The following DSC2 variants were observed in gnomAD, a reference collection of about 807,000 sequenced individuals.
DSC2 encodes desmocollin-2.
Under a neutral mutation model 87.6 loss-of-function variants are expected in DSC2, and 51 were observed. That is an observed-to-expected ratio of 0.58 (90% CI 0.46 to 0.74). DSC2 has a LOEUF of 0.74. DSC2 is among the 30% of genes least tolerant of loss of function. The probability of loss-of-function intolerance (pLI) is 0.00; values close to 1 mark genes in which losing one functional copy is unlikely to be tolerated. For synonymous variants in DSC2, 383 were observed against 393.2 expected (o/e 0.97, Z 0.31); for missense variants, 1,066 against 1,089.5 (o/e 0.98, Z 0.30).
rs1987459100 is a variant in DSC2, at chr18:31,087,879, TC to T, written c.631-67del. ...TTTTAAAATGAGGTATGCTTCAAAT[TC>T]ATTTTGGCTTTAACTTGGAGACTGT... On this transcript the variant is annotated intron_variant, in intron 5 of 15. Transcript: ENST00000280904. 3.8e-6 allele frequency: 6 copies of T among 1,564,798 alleles called. No individual in the cohort carries two copies. The East Asian group carries it at 1.4e-4, about 35-fold the overall frequency.
At chr18:31,086,965 G>T (rs1598586748) in intron 6 of DSC2, among the ~76,000 whole-genome samples, 1 of 152,026 alleles carries the variant, frequency 6.6e-6, no homozygotes, top group East Asian at 1.9e-4. Flanking sequence ...CATATTTATT[G>T]TATTTAATGT....
rs2144763453 is a variant in DSC2 at position 31,059,242 on chromosome 18, T to G, written c.*8773A>C. ...CTAAAAAGTGAACACATTTAATTGG[T>G]TTAAACTTGCATTCATTATGCAAAC... On this transcript the variant is annotated 3_prime_UTR_variant, in exon 16 of 16. Coordinates refer to ENST00000280904, the MANE Select transcript of DSC2 (RefSeq NM_024422.6). 6.6e-6 allele frequency: 1 copy of G among 152,340 alleles called. No homozygotes were observed. Among genetic ancestry groups the G allele is most frequent in the Non-Finnish European group, 1.5e-5 (1 of 68,022 alleles). The allele number at this position is 152,340 out of a possible 1,614,324, so 9.4% of individuals were successfully genotyped here. A position where few individuals can be genotyped will look rare whatever the true frequency, so the allele number is the denominator to read the frequency against.
intron 2 of DSC2, 73 bp downstream of exon 2, chr18:31,093,486 G>A (rs763750098): frequency 9.4e-6 from 11 of 1,172,882 alleles, no homozygotes; most frequent in Non-Finnish European, 1.4e-5. Context: ...CCTTTTTATG[G>A]CTGTGTAGTA....
At chr18:31,093,295 C>T (rs1380793289) in intron 2 of DSC2, among the ~76,000 whole-genome samples, 1 of 152,166 alleles carries the variant, frequency 6.6e-6, no homozygotes, top group African/African-American at 2.4e-5. Flanking sequence ...TCTCGCCCTC[C>T]CAGAACCCCC....
chr18:31,073,938 T>C (rs1986917058), intron 12 of DSC2, among the ~76,000 whole-genome samples: 1 of 152,226 alleles, frequency 6.6e-6, no homozygotes, highest in Non-Finnish European at 1.5e-5. Context: ...GATAACGTGG[T>C]GGACACTGTG....
chr18:31,101,769 C>CCCCCTTT, intron 1 of DSC2, 134 bp downstream of exon 1: 1 of 801,140 alleles, frequency 1.2e-6, no homozygotes, highest in Non-Finnish European at 1.8e-6. Context: ...CCGCCAACTC[C>CCCCCTTT]ATTTTCTAGC....
intron 14 of DSC2, among the ~76,000 whole-genome samples, chr18:31,070,357 T>A (rs890930141): frequency 1.3e-5 from 2 of 152,222 alleles, no homozygotes; most frequent in African/African-American, 4.8e-5. Flanking sequence ...GATTTTATTG[T>A]TGCCAGAAAA....
In DSC2 at chr18:31,061,993, C is replaced by T. The variant is rs571337061; in HGVS notation, c.*6022G>A. ...ACATAGGTCTGTCCTACATGTCCTA[C>T]GTGAGAAGAGCAGGGCTGGGAACTA... is the stretch of plus-strand genomic sequence containing the variant. On this transcript the variant is annotated 3_prime_UTR_variant, in exon 16 of 16. Transcript: ENST00000280904. 4 of 152,320 alleles carry T rather than the reference C, an allele frequency of 2.6e-5. No individual in the cohort carries two copies. Among genetic ancestry groups the T allele is most frequent in the Admixed American group, 2.0e-4 (3 of 15,292 alleles). 9.4% of individuals were successfully genotyped at this position (152,320 alleles called of 1,614,324 possible).
rs953423317 is a variant in DSC2 at position 31,064,296 on chromosome 18, T to C, written c.*3719A>G. On this transcript the variant is annotated 3_prime_UTR_variant, in exon 16 of 16. Coordinates refer to ENST00000280904, the MANE Select transcript of DSC2 (RefSeq NM_024422.6). ...CACCGTGTCTTGACTTGCATTCAAG[T>C]GTGTGGGTGGGGAGAGTGGCTGATT... The C allele has an allele frequency of 6.6e-6, 1 of 152,152 alleles. No individual in the cohort carries two copies. The highest frequency in any genetic ancestry group is 2.4e-5 in the African/African-American group (1 of 41,432). 9.4% of individuals were successfully genotyped at this position (152,152 alleles called of 1,614,324 possible).
At chr18:31,088,414 A>G (rs969378059) in intron 5 of DSC2, among the ~76,000 whole-genome samples, 60 of 152,314 alleles carry the variant, frequency 3.9e-4, no homozygotes, top group African/African-American at 1.3e-3. Flanking sequence ...ATGAATTTCA[A>G]TACCAATTTT....
intron 11 of DSC2, among the ~76,000 whole-genome samples, chr18:31,079,075 C>T (rs935533758): frequency 4.6e-5 from 7 of 151,990 alleles, no homozygotes; most frequent in African/African-American, 1.7e-4. Flanking sequence ...TTCTAACCCC[C>T]AAGTATATTG....
At chr18:31,098,555 A>G (rs1299822968) in intron 1 of DSC2, among the ~76,000 whole-genome samples, 1 of 152,004 alleles carries the variant, frequency 6.6e-6, no homozygotes, top group African/African-American at 2.4e-5. Flanking sequence ...CCCGGGTTCA[A>G]GTGATCCTCC....
chr18:31,099,803 T>C (rs1223800762), intron 1 of DSC2, among the ~76,000 whole-genome samples: 5 of 152,098 alleles, frequency 3.3e-5, no homozygotes, highest in Non-Finnish European at 7.4e-5. Context: ...ATTTGTGGAA[T>C]GGTGAAGGAT....
Position 31,076,136 on chromosome 18 carries a change from C to T in DSC2, c.1664-1229G>A, listed in dbSNP as rs144943322. The stretch of plus-strand genomic sequence containing the variant: ...TGCCATCCACTGCCTGGGGCTGTGT[C>T]TTATATGAAGCTGCCAAGCTCGGGA... On this transcript the variant is annotated intron_variant, in intron 11 of 15. Transcript: ENST00000280904. Among the ~76,000 whole-genome samples the T allele has an allele frequency of 1.6e-3, 245 of 152,232 alleles. 1 individual carries two copies. The highest frequency in any genetic ancestry group is 5.6e-3 in the African/African-American group (232 of 41,544).
intron 6 of DSC2, among the ~76,000 whole-genome samples, 195 bp from the exon 7 acceptor site, chr18:31,086,937 G>A (rs758013168): frequency 2.2e-4 from 34 of 152,008 alleles, no homozygotes; most frequent in Non-Finnish European, 3.5e-4. Context: ...TAGCATTTTC[G>A]AATTGGGTGA....
rs1987986361 is a variant in DSC2 at position 31,102,099 on chromosome 18, G to A, written c.-128C>T. On this transcript the variant is annotated 5_prime_UTR_variant, in exon 1 of 16. Transcript: ENST00000280904. The stretch of plus-strand genomic sequence containing the variant: ...GGAGGAGCGCGAGGCGGAGGAGGTG[G>A]GGCGCGCGGAGAGGTGCTTTTCTTA... 4 of 772,268 alleles carry A rather than the reference G, an allele frequency of 5.2e-6. No homozygotes were observed. Among genetic ancestry groups the A allele is most frequent in the Non-Finnish European group, 7.5e-6 (4 of 532,892 alleles). 47.8% of individuals were successfully genotyped at this position (772,268 alleles called of 1,614,324 possible).
At chr18:31,098,569 C>T (rs1337689995) in intron 1 of DSC2, among the ~76,000 whole-genome samples, 2 of 151,936 alleles carry the variant, frequency 1.3e-5, no homozygotes, top group East Asian at 3.9e-4. Context: ...ATCCTCCCAC[C>T]TCAGCCTCCC....
chr18:31,067,918 C>A lies in DSC2; in HGVS notation c.*97G>T. The A allele has an allele frequency of 9.0e-7, 1 of 1,113,388 alleles. No individual in the cohort carries two copies. The highest frequency in any genetic ancestry group is 2.5e-5 in the East Asian group (1 of 39,472). The allele number at this position is 1,113,388 out of a possible 1,614,324, so 69.0% of individuals were successfully genotyped here. ...CCATCCAAATAATGAGAGAAAAACC[C>A]CCACAAATAGCATCTTCTGCTTTAA... On this transcript the variant is annotated 3_prime_UTR_variant, in exon 16 of 16. Transcript: ENST00000280904.
intron 7 of DSC2, among the ~76,000 whole-genome samples, chr18:31,085,366 T>C (rs9959549): frequency 0.21 from 32,403 of 151,784 alleles, 3,732 homozygotes; most frequent in South Asian, 0.35. Context: ...TTTTGGAAAA[T>C]GTACTTATTT....
Sources: allele counts gnomAD v4.1 joint callset (sites outside exome capture counted in the v4.1 genomes callset), GRCh38; gene constraint gnomAD v4.1.1; transcripts MANE v1.5; gene names NCBI Gene and HGNC (gene_info 2026-07-23, HGNC 2026-07-21).